UBXN7: variants seen among roughly 807,000 people sequenced by gnomAD.
UBXN7 encodes UBX domain-containing protein 7.
A neutral mutation model predicts 58.0 loss-of-function variants in UBXN7; 9 were observed. The observed-to-expected ratio is 0.16, with a 90% CI of 0.09 to 0.27. The LOEUF is 0.27. UBXN7 is among the 10% of genes least tolerant of loss of function. The probability of loss-of-function intolerance (pLI) is 1.00; values close to 1 mark genes in which losing one functional copy is unlikely to be tolerated. For synonymous variants in UBXN7, 208 were observed against 205.0 expected (o/e 1.01, Z -0.12); for missense variants, 328 against 599.6 (o/e 0.55, Z 4.73).
intron 2 of UBXN7, among the ~76,000 whole-genome samples, chr3:196,405,488 GA>G (rs1158068897): frequency 4.2e-5 from 6 of 142,896 alleles, no homozygotes; most frequent in Non-Finnish European, 7.7e-5. Flanking sequence ...AAAAAGAAAA[GA>G]AAAAAAAAGA....
At chr3:196,417,183 G>C (rs1272979432) in intron 1 of UBXN7, among the ~76,000 whole-genome samples, 2 of 152,020 alleles carry the variant, frequency 1.3e-5, no homozygotes, top group South Asian at 2.1e-4. Context: ...CGTGGTGGCG[G>C]GCGCTTGTAG....
Position 196,350,732 on chromosome 3 carries a change from C to T in UBXN7, c.*5953G>A, listed in dbSNP as rs1728190249. The T allele has an allele frequency of 1.3e-5, 2 of 152,166 alleles. No homozygotes were observed. Among genetic ancestry groups the T allele is most frequent in the Admixed American group, 6.5e-5 (1 of 15,278 alleles). 9.4% of individuals were successfully genotyped at this position (152,166 alleles called of 1,614,324 possible). On this transcript the variant is annotated 3_prime_UTR_variant, in exon 11 of 11. Coordinates refer to ENST00000296328, the MANE Select transcript of UBXN7 (RefSeq NM_015562.2). ...AAAAACCATAACCATCACTGAAATACCAAATCTCTATGTAACAGGAGAAAC... is the reference window on the plus strand; with the variant it reads ...AAAAACCATAACCATCACTGAAATATCAAATCTCTATGTAACAGGAGAAAC...
At chr3:196,393,696 G>C in intron 3 of UBXN7, 77 bp from the exon 4 acceptor site, 1 of 1,424,854 alleles carries the variant, frequency 7.0e-7, no homozygotes, top group Non-Finnish European at 9.6e-7. Flanking sequence ...TTATCTAAAA[G>C]TATTTTTTTA....
intron 1 of UBXN7, among the ~76,000 whole-genome samples, chr3:196,431,105 G>A (rs555110945): frequency 5.9e-5 from 9 of 152,196 alleles, no homozygotes; most frequent in African/African-American, 2.2e-4. Flanking sequence ...ACAACCTGTA[G>A]TAGTTAAAAC....
At chr3:196,426,361 G>C (rs975991254) in intron 1 of UBXN7, among the ~76,000 whole-genome samples, 1 of 149,474 alleles carries the variant, frequency 6.7e-6, no homozygotes, top group Non-Finnish European at 1.5e-5. Flanking sequence ...ACTCCAGCCT[G>C]GGTGACAGGA....
intron 8 of UBXN7, 32 bp from the exon 9 acceptor site, chr3:196,362,719 A>C: frequency 6.4e-7 from 1 of 1,561,788 alleles, no homozygotes; most frequent in Non-Finnish European, 8.7e-7. Context: ...CACAGGAAAA[A>C]GAACAAGTTA....
chr3:196,376,726 A>T (rs1364873223), intron 5 of UBXN7, among the ~76,000 whole-genome samples: 1 of 152,012 alleles, frequency 6.6e-6, no homozygotes, highest in Non-Finnish European at 1.5e-5. Flanking sequence ...TACCAATTTA[A>T]AATGTGGGTT....
chr3:196,418,309 T>TGACGGAAG (rs59058303), intron 1 of UBXN7, among the ~76,000 whole-genome samples: 79,401 of 151,338 alleles, frequency 0.52, 21,199 homozygotes, highest in East Asian at 0.9. Context: ...AATGACGGAA[T>TGACGGAAG]GACGGACAGA....
intron 7 of UBXN7, among the ~76,000 whole-genome samples, chr3:196,368,495 G>T (rs895962735): frequency 2.0e-5 from 3 of 152,084 alleles, no homozygotes; most frequent in Non-Finnish European, 4.4e-5. Flanking sequence ...GGATCTTTCT[G>T]AACATTCTCA....
At chr3:196,390,542 C>A (rs950774566) in intron 5 of UBXN7, among the ~76,000 whole-genome samples, 1 of 152,164 alleles carries the variant, frequency 6.6e-6, no homozygotes, top group South Asian at 2.1e-4. Context: ...GAGTTTGAGA[C>A]CAGCCTGGCC....
chr3:196,374,458 T>C (rs368013208), intron 5 of UBXN7, among the ~76,000 whole-genome samples: 1 of 152,124 alleles, frequency 6.6e-6, no homozygotes, highest in African/African-American at 2.4e-5. Context: ...AGAAACCTAA[T>C]ACTAGCAAAA....
At chr3:196,362,742 A>C in intron 8 of UBXN7, 55 bp from the exon 9 acceptor site, 1 of 1,536,494 alleles carries the variant, frequency 6.5e-7, no homozygotes, top group African/African-American at 1.4e-5. Context: ...CCAAAAAACA[A>C]GTCAAACGGC....
intron 9 of UBXN7, 44 bp downstream of exon 9, chr3:196,362,250 C>A: frequency 6.5e-7 from 1 of 1,542,658 alleles, no homozygotes; most frequent in Non-Finnish European, 8.7e-7. Context: ...ACGCCCGGCC[C>A]CAATATCTAA....
At chr3:196,368,346 TTAAG>T (rs1301090573) in intron 7 of UBXN7, among the ~76,000 whole-genome samples, 191 bp from the exon 8 acceptor site, 1 of 152,220 alleles carries the variant, frequency 6.6e-6, no homozygotes, top group Non-Finnish European at 1.5e-5. Flanking sequence ...AACATTCTTA[TTAAG>T]TATCTCTTTC....
chr3:196,430,080 C>T (rs1274179943), intron 1 of UBXN7, among the ~76,000 whole-genome samples: 1 of 152,018 alleles, frequency 6.6e-6, no homozygotes, highest in Non-Finnish European at 1.5e-5. Flanking sequence ...TAGGGCCAGG[C>T]GCGGTGGCTC....
chr3:196,387,588 A>C (rs1282120585), intron 5 of UBXN7, among the ~76,000 whole-genome samples: 1 of 152,186 alleles, frequency 6.6e-6, no homozygotes, highest in Admixed American at 6.5e-5. Context: ...AAACAAATTT[A>C]CAAGAAAAAA....
intron 3 of UBXN7, among the ~76,000 whole-genome samples, chr3:196,399,759 T>C (rs1349990261): frequency 1.3e-5 from 2 of 152,134 alleles, no homozygotes; most frequent in Non-Finnish European, 2.9e-5. Flanking sequence ...TAGATTTTTT[T>C]TGTAAACTTC....
At chr3:196,377,396 G>T (rs1729062459) in intron 5 of UBXN7, among the ~76,000 whole-genome samples, 1 of 152,002 alleles carries the variant, frequency 6.6e-6, no homozygotes, top group South Asian at 2.1e-4. Context: ...CTTCACTAAG[G>T]TTTCTATTCA....
chr3:196,365,925 AC>A (rs1457403252), intron 8 of UBXN7, among the ~76,000 whole-genome samples: 1 of 152,206 alleles, frequency 6.6e-6, no homozygotes, highest in Non-Finnish European at 1.5e-5. Flanking sequence ...AATTCTACAG[AC>A]ACTACTGCAG....
Sources: gnomAD v4.1 joint callset for allele counts (sites outside exome capture counted in the v4.1 genomes callset) on GRCh38, gnomAD v4.1.1 for gene constraint, MANE v1.5 for transcripts, NCBI Gene and HGNC (gene_info 2026-07-23, HGNC 2026-07-21) for gene names.